PLA2G6: variants seen among roughly 807,000 people sequenced by gnomAD.
The protein encoded by PLA2G6 is 85/88 kDa calcium-independent phospholipase A2.
PLA2G6 carries 62 observed loss-of-function variants against 83.8 expected under a neutral mutation model. The observed-to-expected ratio is 0.74, with a 90% CI of 0.60 to 0.91. The LOEUF (loss-of-function observed/expected upper bound fraction) is 0.91. Among genes scored for constraint, PLA2G6 ranks in the 40% least tolerant of loss-of-function variants. The pLI, the probability that PLA2G6 is intolerant of heterozygous loss-of-function variation, is 0.00. For missense variants in PLA2G6, 944 were observed against 1,102.0 expected (o/e 0.86, Z 2.03); for synonymous variants, 417 against 449.8 (o/e 0.93, Z 0.92).
At chr22:38,122,205 G>A (rs1054137218) in intron 11 of PLA2G6, among the ~76,000 whole-genome samples, 4 of 152,026 alleles carry the variant, frequency 2.6e-5, no homozygotes, top group African/African-American at 4.8e-5. Context: ...CCCACCCTAG[G>A]GTGGGGAGTC....
chr22:38,115,978 G>A (rs766694122), intron 13 of PLA2G6, 97 bp downstream of exon 13: 546 of 1,515,814 alleles, frequency 3.6e-4, no homozygotes, highest in Non-Finnish European at 4.5e-4. Context: ...TGGTGGCACG[G>A]TGAGGGTGCC....
chr22:38,140,155 G>A lies in PLA2G6; in HGVS notation c.624C>T (p.Asn208=), dbSNP rs536593896. ...NSQVLQLLGR[N]AVAGLNQVNN... is the part of the protein sequence containing the mutation. Reference sequence around the variant, plus strand: ...TCACCTGGTTCAGGCCAGCCACTGCGTTCCTTCCAAGGAGCTGATGAAAGA... The same window carrying A: ...TCACCTGGTTCAGGCCAGCCACTGCATTCCTTCCAAGGAGCTGATGAAAGA... Residue 208 remains asparagine (N), a synonymous_variant, in exon 5 of 17, where the codon AAC becomes AAT. Coordinates refer to ENST00000332509, the MANE Select transcript of PLA2G6 (RefSeq NM_003560.4). 20 of 1,614,032 alleles carry A rather than the reference G, an allele frequency of 1.2e-5. No homozygotes were observed. The highest frequency in any genetic ancestry group is 5.0e-5 in the Admixed American group (3 of 60,020).
intron 2 of PLA2G6, among the ~76,000 whole-genome samples, chr22:38,155,929 G>A (rs1246455834): frequency 6.6e-6 from 1 of 152,130 alleles, no homozygotes; most frequent in Non-Finnish European, 1.5e-5. Context: ...TTGCCTACAT[G>A]AAACACACTT....
At chr22:38,175,626 T>A (rs148813020) in intron 1 of PLA2G6, among the ~76,000 whole-genome samples, 1 of 152,238 alleles carries the variant, frequency 6.6e-6, no homozygotes, top group East Asian at 1.9e-4. Context: ...ACAAATCTCT[T>A]CTTATCCATG....
intron 13 of PLA2G6, 110 bp downstream of exon 13, chr22:38,115,965 G>A: frequency 6.7e-7 from 1 of 1,490,242 alleles, no homozygotes; most frequent in South Asian, 1.2e-5. Flanking sequence ...GCAGCGGGTG[G>A]GCTGGTGGCA....
chr22:38,115,705 C>T, intron 13 of PLA2G6, 24 bp from the exon 14 acceptor site: 1 of 1,582,162 alleles, frequency 6.3e-7, no homozygotes, highest in South Asian at 1.1e-5. Flanking sequence ...AGGAGGGCGG[C>T]CCAGTGGCAC....
intron 3 of PLA2G6, chr22:38,144,765 G>A (rs11570634): frequency 1.6e-4 from 26 of 158,142 alleles, no homozygotes; most frequent in Admixed American, 3.3e-4. Context: ...CCAAGATCGC[G>A]CCACTGCACT....
intron 7 of PLA2G6, among the ~76,000 whole-genome samples, chr22:38,129,794 T>TAAGA (rs2088099278): frequency 6.6e-6 from 1 of 152,198 alleles, no homozygotes; most frequent in Middle Eastern, 3.4e-3. Context: ...GGGGAGGGTG[T>TAAGA]AAGAACCCAG....
In PLA2G6 at chr22:38,132,591, G is replaced by A. The variant is rs2088284560; in HGVS notation, c.1077+240C>T. The A allele has an allele frequency of 1.7e-6, 1 of 578,768 alleles. No homozygotes were observed. Among genetic ancestry groups the A allele is most frequent in the Non-Finnish European group, 3.1e-6 (1 of 324,062 alleles). 35.9% of individuals were successfully genotyped at this position (578,768 alleles called of 1,614,324 possible). A position where few individuals can be genotyped will look rare whatever the true frequency, so the allele number is the denominator to read the frequency against. ...CTCTCGTGCCATGCAAGTGCCAAAT[G>A]GGGGCACAGGTGGAAAAGGTACCAC... is the stretch of plus-strand genomic sequence containing the variant. On this transcript the variant is annotated intron_variant, in intron 7 of 16. Transcript: ENST00000332509. This position sits in a 1 kb window ranked among gnomAD's most constrained non-coding sequence, Gnocchi z 5.0.
intron 2 of PLA2G6, among the ~76,000 whole-genome samples, chr22:38,155,567 C>T (rs945205212): frequency 1.3e-5 from 2 of 152,058 alleles, no homozygotes; most frequent in African/African-American, 2.4e-5. Context: ...TTTCTCTTTG[C>T]TTGTTTGTCT....
chr22:38,145,824 CA>C (rs2089223104), intron 2 of PLA2G6, 171 bp from the exon 3 acceptor site: 18 of 660,314 alleles, frequency 2.7e-5, no homozygotes, highest in African/African-American at 3.6e-5. Flanking sequence ...CACACACACA[CA>C]CACACACACC....
chr22:38,129,495 A>G lies in PLA2G6; in HGVS notation c.1145T>C (p.Phe382Ser). 1.9e-6 allele frequency: 3 copies of G among 1,613,932 alleles called. No homozygotes were observed. The highest frequency in any genetic ancestry group is 2.5e-6 in the Non-Finnish European group (3 of 1,179,850). The change falls in exon 8 of 17, where the codon TTT becomes TCT. Residue 382 changes from phenylalanine to serine, a missense_variant. Phe to Ser is a radical substitution (Grantham distance 155). Transcript: ENST00000332509. Reference protein sequence around the residue: ...FGAEVDTPNDFGETPTFLASK... With the variant: ...FGAEVDTPNDSGETPTFLASK... ...GGCTAGGAATGTAGGAGTCTCCCCA[A>G]AGTCATTCGGGGTGTCCACTTCTGC...
chr22:38,139,152 C>T (rs904785341), intron 5 of PLA2G6: 1 of 152,242 alleles, frequency 6.6e-6, no homozygotes, highest in African/African-American at 2.4e-5. Context: ...ACTCGGCCAC[C>T]TTACCAAGCA....
chr22:38,127,446 C>T (rs763614918), intron 9 of PLA2G6: 1 of 1,331,520 alleles, frequency 7.5e-7, no homozygotes, highest in Admixed American at 2.1e-5. Flanking sequence ...TCCGGCCTGG[C>T]TTGGGTGACT....
chr22:38,128,366 G>GC lies in PLA2G6; in HGVS notation c.1250_1251insG (p.Ile418HisfsTer96). On this transcript the variant is annotated frameshift_variant, in exon 9 of 17. Coordinates refer to ENST00000332509, the MANE Select transcript of PLA2G6 (RefSeq NM_003560.4). LOFTEE classifies it high-confidence loss of function. This position sits in a 1 kb window ranked among gnomAD's most constrained non-coding sequence, Gnocchi z 4.4. ...CCTGCTCCGCGGGGACCCCGTGGAT[G>GC]GGTGGGAAGCAGTATTCGGCCCCCA... The GC allele has an allele frequency of 6.2e-7, 1 of 1,613,814 alleles. No individual in the cohort carries two copies. Among genetic ancestry groups the GC allele is most frequent in the African/African-American group, 1.3e-5 (1 of 75,044 alleles).
chr22:38,137,984 G>C (rs1460978391), intron 5 of PLA2G6: 2 of 152,348 alleles, frequency 1.3e-5, no homozygotes. Context: ...GGATCTCCCT[G>C]CTCCACTCAA....
chr22:38,157,195 C>T (rs1028676395), intron 2 of PLA2G6, among the ~76,000 whole-genome samples: 5 of 151,500 alleles, frequency 3.3e-5, no homozygotes, highest in African/African-American at 1.2e-4. Flanking sequence ...AAAAGATAAA[C>T]AAAATCAATA....
Position 38,128,162 on chromosome 22 carries a change from C to G in PLA2G6, c.1348+107G>C. The G allele has an allele frequency of 1.6e-6, 2 of 1,245,304 alleles. No individual in the cohort carries two copies. Among genetic ancestry groups the G allele is most frequent in the Non-Finnish European group, 2.3e-6 (2 of 854,444 alleles). The allele number at this position is 1,245,304 out of a possible 1,614,324, so 77.1% of individuals were successfully genotyped here. On this transcript the variant is annotated intron_variant, in intron 9 of 16. Transcript: ENST00000332509. This position sits in a 1 kb window ranked among gnomAD's most constrained non-coding sequence, Gnocchi z 4.4. Reference sequence around the variant, plus strand: ...ACTCCGGCCCCATCCTCCCCGGCTTCCTTTAGTGACTTCCGTCCTAGGGAT... The same window carrying G: ...ACTCCGGCCCCATCCTCCCCGGCTTGCTTTAGTGACTTCCGTCCTAGGGAT...
intron 2 of PLA2G6, chr22:38,146,039 AT>A (rs5845374): frequency 0.048 from 10,642 of 223,758 alleles, 1 homozygote; most frequent in East Asian, 0.1. Context: ...TGCCCAGCTA[AT>A]TTTTTTTTTT....
Sources: allele counts gnomAD v4.1 joint callset (sites outside exome capture counted in the v4.1 genomes callset), GRCh38; gene constraint gnomAD v4.1.1; non-coding constraint Gnocchi (gnomAD v3.1); transcripts MANE v1.5; gene names NCBI Gene and HGNC (gene_info 2026-07-23, HGNC 2026-07-21).